Variants in SHISA6 observed in about 807,000 individuals in gnomAD.
The protein encoded by SHISA6 is protein shisa-6.
In SHISA6, 22 loss-of-function variants were observed where a neutral mutation model predicts 47.9. That is an observed-to-expected ratio of 0.46 (90% CI 0.33 to 0.66). SHISA6 has a LOEUF of 0.66. Ranked by LOEUF, SHISA6 falls within the 30% of genes least tolerant of loss-of-function variation. The pLI, the probability that SHISA6 is intolerant of heterozygous loss-of-function variation, is 0.02. For missense variants in SHISA6, 680 were observed against 764.6 expected, an observed-to-expected ratio of 0.89 and a Z score of 1.30; for synonymous variants, 388 against 337.8, an observed-to-expected ratio of 1.15 and a Z score of -1.63.
chr17:11,376,312 T>G lies in SHISA6; in HGVS notation c.800-3102T>G, dbSNP rs573496241. Among the ~76,000 whole-genome samples, 105 of 101,370 alleles carry G rather than the reference T, an allele frequency of 1.0e-3. 5 individuals are homozygous for G. In the South Asian group the frequency reaches 0.038, roughly 36 times the overall value. 66.5% of individuals were successfully genotyped at this position (101,370 alleles called of 152,430 possible). A position where few individuals can be genotyped will look rare whatever the true frequency, so the allele number is the denominator to read the frequency against. On this transcript the variant is annotated intron_variant, in intron 2 of 5. Transcript: ENST00000441885. ...CTGTCTGCCTGCATGGGGCTTCATG[T>G]TTTTTTTTGTTTGTTTTTTTTTTTT... is the stretch of plus-strand genomic sequence containing the variant.
At chr17:11,487,913 G>T (rs1916390558) in intron 3 of SHISA6, among the ~76,000 whole-genome samples, 1 of 152,176 alleles carries the variant, frequency 6.6e-6, no homozygotes, top group African/African-American at 2.4e-5. Flanking sequence ...ATTATTAGGA[G>T]CCTGGCCAAA....
intron 3 of SHISA6, among the ~76,000 whole-genome samples, chr17:11,522,434 G>T (rs1032681224): frequency 6.6e-6 from 1 of 152,118 alleles, no homozygotes; most frequent in African/African-American, 2.4e-5. Flanking sequence ...TGGGTATTTG[G>T]TTTTTTAATT....
chr17:11,444,859 AG>A lies in SHISA6; in HGVS notation c.895+65351del, dbSNP rs202241387. Among the ~76,000 whole-genome samples, 1,114 of 152,326 alleles carry A rather than the reference AG, an allele frequency of 7.3e-3. 19 individuals are homozygous for A. Among genetic ancestry groups the A allele is most frequent in the African/African-American group, 0.025 (1,058 of 41,572 alleles). On this transcript the variant is annotated intron_variant, in intron 3 of 5. Coordinates refer to ENST00000441885, the MANE Select transcript of SHISA6 (RefSeq NM_207386.4). ...CCTGGCAACCATCTCAAAAAGAAAA[AG>A]ATGGTCAGTTGTATACATCTGGCTA...
chr17:11,361,992 G>A (rs994987962), intron 2 of SHISA6, among the ~76,000 whole-genome samples: 1 of 152,168 alleles, frequency 6.6e-6, no homozygotes, highest in African/African-American at 2.4e-5. Context: ...CAGACTACAA[G>A]CCATAGCCAT....
chr17:11,406,488 C>T (rs758430097), intron 3 of SHISA6, among the ~76,000 whole-genome samples: 24 of 152,202 alleles, frequency 1.6e-4, no homozygotes, highest in Non-Finnish European at 3.1e-4. Flanking sequence ...TTGGACATCA[C>T]CTTCCCAGGC....
intron 2 of SHISA6, among the ~76,000 whole-genome samples, chr17:11,359,015 A>C (rs1912174599): frequency 6.6e-6 from 1 of 152,138 alleles, no homozygotes; most frequent in African/African-American, 2.4e-5. Flanking sequence ...TACATACCAC[A>C]TTTTATTTAT....
chr17:11,277,040 A>C (rs1299695554), intron 2 of SHISA6, among the ~76,000 whole-genome samples: 1 of 152,112 alleles, frequency 6.6e-6, no homozygotes, highest in Non-Finnish European at 1.5e-5. Flanking sequence ...TGGCCAGACC[A>C]AACAGTTGAT....
chr17:11,407,406 C>T (rs980385838), intron 3 of SHISA6, among the ~76,000 whole-genome samples: 1 of 152,082 alleles, frequency 6.6e-6, no homozygotes, highest in Non-Finnish European at 1.5e-5. Flanking sequence ...AATCAAATTT[C>T]TCAGACCTAA....
At chr17:11,388,853 TAAA>T (rs536099984) in intron 3 of SHISA6, among the ~76,000 whole-genome samples, 2 of 82,384 alleles carry the variant, frequency 2.4e-5, no homozygotes, top group Admixed American at 2.6e-4. Flanking sequence ...TTAAAAAAGG[TAAA>T]AAAAAAAAAC....
chr17:11,257,421 G>A (rs113322595), intron 1 of SHISA6, among the ~76,000 whole-genome samples: 20 of 152,200 alleles, frequency 1.3e-4, no homozygotes, highest in African/African-American at 4.8e-4. Context: ...AGCACTTTGG[G>A]AGGCTGAGGG....
intron 2 of SHISA6, among the ~76,000 whole-genome samples, chr17:11,362,305 A>G (rs142000647): frequency 1.3e-5 from 2 of 151,924 alleles, no homozygotes; most frequent in Non-Finnish European, 2.9e-5. Flanking sequence ...ACACTCAGCT[A>G]ATTTCTTTAA....
At chr17:11,388,797 TA>T (rs1913280785) in intron 3 of SHISA6, among the ~76,000 whole-genome samples, 1 of 26,946 alleles carries the variant, frequency 3.7e-5, no homozygotes, top group South Asian at 1.0e-3. Flanking sequence ...AGTTTATATA[TA>T]TATATATATA....
intron 3 of SHISA6, among the ~76,000 whole-genome samples, chr17:11,528,753 G>A (rs998995945): frequency 6.6e-6 from 1 of 152,070 alleles, no homozygotes; most frequent in African/African-American, 2.4e-5. Flanking sequence ...GATGCTTTTG[G>A]GCAACAGACT....
At chr17:11,488,487 G>A (rs1049176036) in intron 3 of SHISA6, among the ~76,000 whole-genome samples, 2 of 152,026 alleles carry the variant, frequency 1.3e-5, no homozygotes, top group African/African-American at 4.8e-5. Context: ...AACTCAAACT[G>A]GACTAAGCAG....
At chr17:11,406,958 C>T (rs1165322033) in intron 3 of SHISA6, among the ~76,000 whole-genome samples, 2 of 152,072 alleles carry the variant, frequency 1.3e-5, no homozygotes, top group Non-Finnish European at 2.9e-5. Flanking sequence ...CTGGAACGAT[C>T]CTGCTGCCAT....
chr17:11,482,851 C>T (rs553273833), intron 3 of SHISA6, among the ~76,000 whole-genome samples: 39 of 152,052 alleles, frequency 2.6e-4, no homozygotes, highest in Non-Finnish European at 5.0e-4. Context: ...TAATGACTGT[C>T]ATCATCATAA....
chr17:11,372,317 G>C (rs1453819360), intron 2 of SHISA6, among the ~76,000 whole-genome samples: 9 of 152,154 alleles, frequency 5.9e-5, no homozygotes, highest in Admixed American at 5.9e-4. Flanking sequence ...TAGGTCAAAG[G>C]CATGCCCTTC....
chr17:11,387,667 A>C (rs62061048), intron 3 of SHISA6, among the ~76,000 whole-genome samples: 3,581 of 152,162 alleles, frequency 0.024, 91 homozygotes, highest in Non-Finnish European at 0.033. Context: ...TTGGTGGGGG[A>C]TGTGAGAGTA....
chr17:11,316,428 T>C (rs1344209800), intron 2 of SHISA6, among the ~76,000 whole-genome samples: 2 of 146,700 alleles, frequency 1.4e-5, no homozygotes, highest in African/African-American at 5.0e-5. Flanking sequence ...TCTTTTTTTT[T>C]TTTTTTTTTT....
Sources: gnomAD v4.1 joint callset for allele counts (sites outside exome capture counted in the v4.1 genomes callset) on GRCh38, gnomAD v4.1.1 for gene constraint, MANE v1.5 for transcripts, NCBI Gene and HGNC (gene_info 2026-07-23, HGNC 2026-07-21) for gene names.